MAPK9: variants seen among roughly 807,000 people sequenced by gnomAD.
MAPK9 encodes the protein mitogen-activated protein kinase 9, also known as Jun kinase.
MAPK9 carries 30 observed loss-of-function variants against 57.1 expected under a neutral mutation model. The ratio of observed to expected loss-of-function variants is 0.53; its 90% CI spans 0.39 to 0.71. The LOEUF (loss-of-function observed/expected upper bound fraction) is 0.71. Among genes scored for constraint, MAPK9 ranks in the 30% least tolerant of loss-of-function variants. MAPK9 has a pLI of 0.00. For synonymous variants in MAPK9, 155 were observed against 177.0 expected, an observed-to-expected ratio of 0.88 and a Z score of 0.99; for missense variants, 362 against 521.0, an observed-to-expected ratio of 0.69 and a Z score of 2.97.
In MAPK9 at chr5:180,241,234, AAC is replaced by A. The variant is rs1425009402; in HGVS notation, c.872-81_872-80del. 6.1e-6 allele frequency: 8 copies of A among 1,312,640 alleles called. No homozygotes were observed. The African/African-American group carries it at 1.0e-4, about 17-fold the overall frequency. The allele number at this position is 1,312,640 out of a possible 1,614,324, so 81.3% of individuals were successfully genotyped here. On this transcript the variant is annotated intron_variant, in intron 8 of 11. Coordinates refer to ENST00000452135, the MANE Select transcript of MAPK9 (RefSeq NM_002752.5). The stretch of plus-strand genomic sequence containing the variant: ...CATACAATAAAGAACTAAATATGAC[AAC>A]ACAGATAGAACAAAGATATATTAAT...
chr5:180,264,991 G>C lies in MAPK9; in HGVS notation c.253-152C>G, dbSNP rs770756198. On this transcript the variant is annotated intron_variant, in intron 3 of 11. Transcript: ENST00000452135. Reference sequence around the variant, plus strand: ...TGCTTTTACCAATTACATGGCATTTGAGAAAAGTTAAACATCAATTAAAGG... The same window carrying C: ...TGCTTTTACCAATTACATGGCATTTCAGAAAAGTTAAACATCAATTAAAGG... The C allele has an allele frequency of 3.6e-5, 20 of 562,592 alleles. No individual in the cohort carries two copies. In the Middle Eastern group the frequency reaches 2.2e-3, roughly 61 times the overall value. The allele number at this position is 562,592 out of a possible 1,614,324, so 34.9% of individuals were successfully genotyped here.
At chr5:180,277,962 T>C (rs1761972455) in intron 2 of MAPK9, among the ~76,000 whole-genome samples, 1 of 152,228 alleles carries the variant, frequency 6.6e-6, no homozygotes, top group Non-Finnish European at 1.5e-5. Context: ...AAGGATACCA[T>C]AAAACTGAAA....
In MAPK9 at chr5:180,238,329, A is replaced by G. The variant is rs371240443; in HGVS notation, c.1132+3T>C. On this transcript the variant is annotated splice_donor_region_variant and intron_variant, in intron 11 of 11. Coordinates refer to ENST00000452135, the MANE Select transcript of MAPK9 (RefSeq NM_002752.5). ...CATACAATCAATTAAAGCAATCACT[A>G]ACCTGAAGGCTGATCTTTTACAACA... The G allele has an allele frequency of 1.2e-5, 19 of 1,609,196 alleles. No individual in the cohort carries two copies. Among genetic ancestry groups the G allele is most frequent in the Non-Finnish European group, 1.6e-5 (19 of 1,176,484 alleles).
In MAPK9 at chr5:180,236,288, G is replaced by A; in HGVS notation, c.*96C>T. On this transcript the variant is annotated 3_prime_UTR_variant, in exon 12 of 12. Coordinates refer to ENST00000452135, the MANE Select transcript of MAPK9 (RefSeq NM_002752.5). ...ATTGTGTTTCTTACATGCAGAACAT[G>A]GAGTTTTTCTATTTGGTTCCATCAA... is the stretch of plus-strand genomic sequence containing the variant. 7.5e-7 allele frequency: 1 copy of A among 1,338,624 alleles called. No individual in the cohort carries two copies. The highest frequency in any genetic ancestry group is 1.0e-6 in the Non-Finnish European group (1 of 988,136). The allele number at this position is 1,338,624 out of a possible 1,614,324, so 82.9% of individuals were successfully genotyped here. A position where few individuals can be genotyped will look rare whatever the true frequency, so the allele number is the denominator to read the frequency against.
At chr5:180,278,498 G>C (rs576692698) in intron 2 of MAPK9, among the ~76,000 whole-genome samples, 6 of 152,274 alleles carry the variant, frequency 3.9e-5, no homozygotes, top group Admixed American at 2.0e-4. Flanking sequence ...TCAAGAGATC[G>C]AGACCATCCT....
In MAPK9 at chr5:180,247,766, C is replaced by G. The variant is rs775577021; in HGVS notation, c.617-256G>C. The G allele has an allele frequency of 7.4e-7, 1 of 1,356,626 alleles. No individual in the cohort carries two copies. Among genetic ancestry groups the G allele is most frequent in the Non-Finnish European group, 1.1e-6 (1 of 951,154 alleles). 84.0% of individuals were successfully genotyped at this position (1,356,626 alleles called of 1,614,324 possible). On this transcript the variant is annotated intron_variant, in intron 6 of 11. Transcript: ENST00000452135. This position sits in a 1 kb window ranked among gnomAD's most constrained non-coding sequence, Gnocchi z 4.5. ...AAACAAACAAACAAAAAACCAGAAA[C>G]AAGAAGTGCCTGTGAACACAAAGCT...
intron 4 of MAPK9, among the ~76,000 whole-genome samples, chr5:180,262,315 G>A (rs1462900737): frequency 6.6e-6 from 1 of 152,064 alleles, no homozygotes; most frequent in Non-Finnish European, 1.5e-5. Flanking sequence ...CAACAAAAAG[G>A]ACACTTGACC....
At position 180,247,696 on chromosome 5, in the gene MAPK9, G is replaced by A. The variant is rs1301908925; in HGVS notation, c.617-186C>T. ...TAGCCTTCGGTTTGTAGCAATCTGGGGTTTTAGTGCCAAAGAGTCCAATAC... is the reference window on the plus strand; with the variant it reads ...TAGCCTTCGGTTTGTAGCAATCTGGAGTTTTAGTGCCAAAGAGTCCAATAC... On this transcript the variant is annotated intron_variant, in intron 6 of 11. Coordinates refer to ENST00000452135, the MANE Select transcript of MAPK9 (RefSeq NM_002752.5). The surrounding 1 kb of genome is among the most constrained non-coding windows in gnomAD (Gnocchi z 4.5). 3.2e-6 allele frequency: 3 copies of A among 950,362 alleles called. No homozygotes were observed. 58.9% of individuals were successfully genotyped at this position (950,362 alleles called of 1,614,324 possible).
chr5:180,235,180 C>A lies in MAPK9; in HGVS notation c.*1204G>T, dbSNP rs1012788010. 4 of 152,202 alleles carry A rather than the reference C, an allele frequency of 2.6e-5. No homozygotes were observed. The highest frequency in any genetic ancestry group is 6.5e-5 in the Admixed American group (1 of 15,280). 9.4% of individuals were successfully genotyped at this position (152,202 alleles called of 1,614,324 possible). On this transcript the variant is annotated 3_prime_UTR_variant, in exon 12 of 12. Coordinates refer to ENST00000452135, the MANE Select transcript of MAPK9 (RefSeq NM_002752.5). ...TTAATCATGACTCTTCAGGGTATTT[C>A]CTTCACGTCCTCTGAAGAGTTTCCC...
chr5:180,260,382 C>T (rs928941754), intron 5 of MAPK9, among the ~76,000 whole-genome samples: 21 of 151,972 alleles, frequency 1.4e-4, no homozygotes, highest in African/African-American at 4.8e-4. Flanking sequence ...CTGAGAACTC[C>T]CACTGAGAAC....
At chr5:180,271,351 C>T (rs548022251) in intron 2 of MAPK9, among the ~76,000 whole-genome samples, 30 of 152,208 alleles carry the variant, frequency 2.0e-4, no homozygotes, top group Non-Finnish European at 3.8e-4. Context: ...ACTATCTCTT[C>T]ATTTATCAGC....
intron 11 of MAPK9, 108 bp downstream of exon 11, chr5:180,238,224 C>T (rs111661147): frequency 0.081 from 60,831 of 749,528 alleles, 2,871 homozygotes; most frequent in Admixed American, 0.12. Flanking sequence ...GAGCAGAGAT[C>T]GCGCCGCTGC....
rs1759988357 is a variant in MAPK9, at chr5:180,261,719, T to C, written c.415A>G (p.Ile139Val). 1.2e-6 allele frequency: 2 copies of C among 1,612,998 alleles called. No individual in the cohort carries two copies. The highest frequency in any genetic ancestry group is 1.7e-5 in the Admixed American group (1 of 59,874). Residue 139 changes from isoleucine (I) to valine (V), a missense_variant, in exon 5 of 12, where the codon ATT becomes GTT. This residue lies in a region of MAPK9 where 127 missense variants were observed against 231.7 expected (regional missense o/e 0.55). Coordinates refer to ENST00000452135, the MANE Select transcript of MAPK9 (RefSeq NM_002752.5). The stretch of plus-strand genomic sequence containing the variant: ...ATACCAGCTGAATGCAGATGTTTAA[T>C]ACCACAAAGCATCTGGTAAAGAAGG... Reference protein sequence around the residue: ...SYLLYQMLCGIKHLHSAGIIH... With the variant: ...SYLLYQMLCGVKHLHSAGIIH...
chr5:180,243,468 G>GCT (rs1757816300), intron 7 of MAPK9, among the ~76,000 whole-genome samples: 1 of 152,118 alleles, frequency 6.6e-6, no homozygotes, highest in African/African-American at 2.4e-5. Context: ...TATTCCACAG[G>GCT]GTGCTTGTTA....
Position 180,247,440 on chromosome 5 carries a change from G to A in MAPK9, c.687C>T (p.Asp229=). ...VKGCVIFQGT[D]HIDQWNKVIE... Reference sequence around the variant, plus strand: ...GGCCAAGGTCGCGGGGAAGGATACGGTCAGTGCCTTGGAATATCACACAAC... The same window carrying A: ...GGCCAAGGTCGCGGGGAAGGATACGATCAGTGCCTTGGAATATCACACAAC... The change falls in exon 7 of 12, where the codon GAC becomes GAT. Residue 229 remains aspartate, a splice_region_variant and synonymous_variant. Coordinates refer to ENST00000452135, the MANE Select transcript of MAPK9 (RefSeq NM_002752.5). The surrounding 1 kb of genome is among the most constrained non-coding windows in gnomAD (Gnocchi z 4.5). The A allele has an allele frequency of 6.2e-7, 1 of 1,614,182 alleles. No homozygotes were observed. The highest frequency in any genetic ancestry group is 8.5e-7 in the Non-Finnish European group (1 of 1,180,038).
chr5:180,265,850 C>G (rs958079468), intron 3 of MAPK9, among the ~76,000 whole-genome samples: 15 of 152,112 alleles, frequency 9.9e-5, no homozygotes, highest in Non-Finnish European at 1.8e-4. Flanking sequence ...ATATTTCAAT[C>G]TTTATACCAA....
At chr5:180,271,600 T>C (rs1220043863) in intron 2 of MAPK9, among the ~76,000 whole-genome samples, 1 of 152,232 alleles carries the variant, frequency 6.6e-6, no homozygotes, top group Non-Finnish European at 1.5e-5. Context: ...TTACCATATA[T>C]TCATAACTAA....
intron 9 of MAPK9, among the ~76,000 whole-genome samples, 156 bp downstream of exon 9, chr5:180,240,875 G>A (rs538236012): frequency 3.3e-5 from 5 of 152,342 alleles, no homozygotes; most frequent in South Asian, 4.1e-4. Flanking sequence ...AAGAGCAAGC[G>A]ACCCAGGTCT....
chr5:180,268,443 T>C (rs1760905038), intron 3 of MAPK9, among the ~76,000 whole-genome samples: 2 of 152,244 alleles, frequency 1.3e-5, no homozygotes, highest in African/African-American at 2.4e-5. Context: ...AAACAGAGTA[T>C]CAATTGATAT....
Sources: allele counts gnomAD v4.1 joint callset (sites outside exome capture counted in the v4.1 genomes callset), GRCh38; gene constraint gnomAD v4.1.1; regional missense constraint gnomAD v4.1.1; non-coding constraint Gnocchi (gnomAD v3.1); transcripts MANE v1.5; gene names NCBI Gene and HGNC (gene_info 2026-07-23, HGNC 2026-07-21).